TOP6BL: variants seen among roughly 807,000 people sequenced by gnomAD.
TOP6BL encodes the protein type 2 DNA topoisomerase 6 subunit B-like.
the TOP6BL span, chr11:66,758,150 C>T: frequency 1.5e-5 from 15 of 984,088 alleles, no homozygotes; most frequent in African/African-American, 2.6e-4. Context: ...AAATAAAAAG[C>T]CTCTAGGTAG....
chr11:66,775,454 G>T, the TOP6BL span, among the ~76,000 whole-genome samples: 1 of 152,024 alleles, frequency 6.6e-6, no homozygotes, highest in Non-Finnish European at 1.5e-5. Context: ...TATATTTTTT[G>T]CCCTATGAGT....
chr11:66,827,021 G>T, the TOP6BL span, among the ~76,000 whole-genome samples: 7 of 116,158 alleles, frequency 6.0e-5, no homozygotes, highest in East Asian at 1.4e-3. Context: ...CGCTCTTGTT[G>T]CCCAGGCTGG....
chr11:66,758,084 C>G, the TOP6BL span: 1 of 958,098 alleles, frequency 1.0e-6, no homozygotes, highest in Non-Finnish European at 1.2e-6. Flanking sequence ...GGCAATGATT[C>G]TTAGATTCTG....
chr11:66,799,207 CAAAAAAAAAAAA>C, the TOP6BL span, among the ~76,000 whole-genome samples: 3 of 41,892 alleles, frequency 7.2e-5, no homozygotes, highest in African/African-American at 1.8e-4. Flanking sequence ...ACTCTGTCTC[CAAAAAAAAAAAA>C]AAAAAAAAAT....
chr11:66,819,448 A>G, the TOP6BL span, among the ~76,000 whole-genome samples: 1 of 152,230 alleles, frequency 6.6e-6, no homozygotes, highest in South Asian at 2.1e-4. Context: ...CAATAGCAAT[A>G]TTTTGAAACT....
the TOP6BL span, among the ~76,000 whole-genome samples, chr11:66,746,452 C>G: frequency 1.3e-5 from 2 of 151,828 alleles, no homozygotes; most frequent in Non-Finnish European, 2.9e-5. Flanking sequence ...CGGTGGCTCA[C>G]GCCTGTAATC....
chr11:66,834,454 G>C, the TOP6BL span, among the ~76,000 whole-genome samples: 2 of 152,300 alleles, frequency 1.3e-5, no homozygotes. Flanking sequence ...GCTTCAGCTA[G>C]AACTACAAGA....
chr11:66,801,232 G>A, the TOP6BL span: 47 of 952,330 alleles, frequency 4.9e-5, no homozygotes, highest in Non-Finnish European at 7.2e-5. Context: ...TATAAGAAAA[G>A]CAGAAGTAAA....
the TOP6BL span, among the ~76,000 whole-genome samples, chr11:66,831,492 AAAACT>A: frequency 1.3e-5 from 2 of 152,246 alleles, no homozygotes; most frequent in Admixed American, 1.3e-4. Context: ...GAAAAAATCA[AAAACT>A]AAAGGAGTAC....
chr11:66,792,933 G>A, the TOP6BL span, among the ~76,000 whole-genome samples: 1 of 152,056 alleles, frequency 6.6e-6, no homozygotes, highest in African/African-American at 2.4e-5. Flanking sequence ...TTGCTTTTTG[G>A]TTTAAACATT....
At chr11:66,837,549 A>G in the TOP6BL span, among the ~76,000 whole-genome samples, 1 of 151,112 alleles carries the variant, frequency 6.6e-6, no homozygotes, top group Non-Finnish European at 1.5e-5. Context: ...GGTTCAAGCA[A>G]TTTTCCTGCC....
chr11:66,826,673 T>A, the TOP6BL span, among the ~76,000 whole-genome samples: 1 of 150,294 alleles, frequency 6.7e-6, no homozygotes, highest in Non-Finnish European at 1.5e-5. Context: ...TTCTTTTTTT[T>A]TTATTTTTTA....
the TOP6BL span, chr11:66,761,475 A>G: frequency 2.4e-6 from 1 of 408,262 alleles, no homozygotes; most frequent in Non-Finnish European, 4.0e-6. Flanking sequence ...CCATGATATT[A>G]GGATGATAAT....
At chr11:66,810,341 T>C in the TOP6BL span, among the ~76,000 whole-genome samples, 1 of 152,232 alleles carries the variant, frequency 6.6e-6, no homozygotes, top group African/African-American at 2.4e-5. Context: ...GTGGTGGCTA[T>C]GCGGGTAGAT....
the TOP6BL span, among the ~76,000 whole-genome samples, chr11:66,750,062 TC>T: frequency 6.6e-6 from 1 of 152,188 alleles, no homozygotes; most frequent in Non-Finnish European, 1.5e-5. Context: ...TAATCTGTCT[TC>T]TAGATTTTTC....
the TOP6BL span, among the ~76,000 whole-genome samples, chr11:66,748,039 G>A: frequency 6.6e-6 from 1 of 152,088 alleles, no homozygotes; most frequent in Non-Finnish European, 1.5e-5. Context: ...TTTATTTGGG[G>A]CAGGAAAAAA....
chr11:66,836,890 G>A, the TOP6BL span, among the ~76,000 whole-genome samples: 2 of 150,934 alleles, frequency 1.3e-5, no homozygotes, highest in East Asian at 4.0e-4. Context: ...CAGTAGAGAC[G>A]GGGTTTCACC....
At chr11:66,779,399 A>T in the TOP6BL span, among the ~76,000 whole-genome samples, 1 of 152,210 alleles carries the variant, frequency 6.6e-6, no homozygotes, top group Non-Finnish European at 1.5e-5. Flanking sequence ...GCCAAAAAAA[A>T]CACGTGAAAA....
the TOP6BL span, among the ~76,000 whole-genome samples, chr11:66,773,360 T>C: frequency 6.6e-6 from 1 of 152,060 alleles, no homozygotes; most frequent in African/African-American, 2.4e-5. Context: ...GGCCTTTTTT[T>C]TTTTTCCTGA....
Sources: gnomAD v4.1 joint callset for allele counts (sites outside exome capture counted in the v4.1 genomes callset) on GRCh38, gnomAD v4.1.1 for gene constraint, MANE v1.5 for transcripts, NCBI Gene and HGNC (gene_info 2026-07-23, HGNC 2026-07-21) for gene names.